STAB1: variants seen among roughly 807,000 people sequenced by gnomAD.
STAB1 encodes stabilin 1.
A neutral mutation model predicts 332.4 loss-of-function variants in STAB1; 250 were observed. The ratio of observed to expected loss-of-function variants is 0.75; its 90% CI spans 0.68 to 0.84. The LOEUF (loss-of-function observed/expected upper bound fraction) is 0.84, where lower values mean the gene tolerates loss of function less well. Among genes scored for constraint, STAB1 ranks in the 40% least tolerant of loss-of-function variants. The pLI is 0.00. For synonymous variants in STAB1, 1,475 were observed against 1,390.4 expected (o/e 1.06, Z -1.35); for missense variants, 3,249 against 3,489.7 (o/e 0.93, Z 1.74).
rs1708453821 is a variant in STAB1, at chr3:52,501,662, T to C, written c.240T>C (p.Ser80=). The C allele has an allele frequency of 2.5e-6, 4 of 1,572,370 alleles. No homozygotes were observed. Among genetic ancestry groups the C allele is most frequent in the Middle Eastern group, 1.7e-4 (1 of 6,020 alleles). The change falls in exon 3 of 69, where the codon TCT becomes TCC. Residue 80 remains serine (S), a synonymous_variant. Transcript: ENST00000321725. ...GCTACGAAGTACAGCTGGGGGGCTC[T>C]ATGGTGTCCATGAGCGGCTGCAGAC... is the stretch of plus-strand genomic sequence containing the variant. The part of the protein sequence containing the change: ...DCRYEVQLGG[S]MVSMSGCRRK...
chr3:52,524,061 C>T (rs1195606678), intron 67 of STAB1, 39 bp from the exon 68 acceptor site: 2 of 1,612,714 alleles, frequency 1.2e-6, no homozygotes, highest in South Asian at 1.1e-5. Flanking sequence ...TTGGATCTCG[C>T]TTGAGGCGCC....
Position 52,505,719 on chromosome 3 carries a change from G to A in STAB1, c.1633G>A (p.Ala545Thr). The change falls in exon 15 of 69, where the codon GCC becomes ACC. Residue 545 changes from alanine to threonine, a missense_variant. By Grantham distance (58) the Ala-to-Thr change is moderately conservative (BLOSUM62 0). Transcript: ENST00000321725. ...LDGPGPFTVF[A>T]PSNEAVDSLR... ...CGGACCTGGGCCCTTCACAGTCTTT[G>A]CCCCAAGCAATGAGGCTGTGGACAG... is the stretch of plus-strand genomic sequence containing the variant. The A allele has an allele frequency of 6.2e-7, 1 of 1,613,876 alleles. No individual in the cohort carries two copies. The highest frequency in any genetic ancestry group is 8.5e-7 in the Non-Finnish European group (1 of 1,180,026).
intron 1 of STAB1, among the ~76,000 whole-genome samples, chr3:52,499,771 C>T (rs959910063): frequency 1.3e-5 from 2 of 150,244 alleles, no homozygotes; most frequent in Non-Finnish European, 1.5e-5. Flanking sequence ...TAGTGGCGGG[C>T]GCCTGTAGTC....
Position 52,524,456 on chromosome 3 carries a change from C to A in STAB1, c.*100C>A, listed in dbSNP as rs1559732394. 1.2e-6 allele frequency: 2 copies of A among 1,612,670 alleles called. No individual in the cohort carries two copies. The highest frequency in any genetic ancestry group is 1.6e-4 in the Middle Eastern group (1 of 6,062). On this transcript the variant is annotated 3_prime_UTR_variant, in exon 69 of 69. Transcript: ENST00000321725. ...GGAGGGGCTGAGGGCCTGTCCCAGA[C>A]AATAAAGGTGCCCTCAGCGGATGTG...
Position 52,523,991 on chromosome 3 carries a change from A to AC in STAB1, c.7516_7517insC (p.Met2506ThrfsTer13). 2.5e-6 allele frequency: 4 copies of AC among 1,612,174 alleles called. No individual in the cohort carries two copies. The highest frequency in any genetic ancestry group is 3.4e-6 in the Non-Finnish European group (4 of 1,179,874). On this transcript the variant is annotated frameshift_variant, in exon 67 of 69. Coordinates refer to ENST00000321725, the MANE Select transcript of STAB1 (RefSeq NM_015136.3). LOFTEE classifies it high-confidence loss of function. ...CTACCTCCGTGCCCGAGGCAAGCCC[A>AC]TGGGCTTTGGCTTCTCTGCCTTCCA...
chr3:52,512,766 G>C, intron 28 of STAB1, 62 bp from the exon 29 acceptor site: 2 of 1,606,342 alleles, frequency 1.2e-6, no homozygotes, highest in Non-Finnish European at 1.7e-6. Context: ...CTAGAGCAGG[G>C]GATCTGAAGA....
rs2079084142 is a variant in STAB1 at position 52,521,908 on chromosome 3, T to A, written c.6228T>A (p.Cys2076Ter). Reference sequence around the variant, plus strand: ...CTGTGTGCCGTGCAGGCAACAGCTGTGAGTGCAGCCTGGGCTATGAAGGGG... The same window carrying A: ...CTGTGTGCCGTGCAGGCAACAGCTGAGAGTGCAGCCTGGGCTATGAAGGGG... ...PEAVCRAGNS[C>*]ECSLGYEGDG... The change falls in exon 58 of 69, where the codon TGT (cysteine) becomes TGA (stop). Residue 2076 changes from cysteine (C) to a stop codon, truncating the protein, a stop_gained. Coordinates refer to ENST00000321725, the MANE Select transcript of STAB1 (RefSeq NM_015136.3). LOFTEE classifies it high-confidence loss of function. The A allele has an allele frequency of 1.9e-6, 3 of 1,609,268 alleles. No homozygotes were observed. The highest frequency in any genetic ancestry group is 1.7e-6 in the Non-Finnish European group (2 of 1,177,026).
At chr3:52,511,775 G>A in intron 26 of STAB1, 30 bp downstream of exon 26, 3 of 1,530,042 alleles carry the variant, frequency 2.0e-6, no homozygotes, top group Non-Finnish European at 2.7e-6. Context: ...AGAGCCCTGG[G>A]GAAGCTTTCT....
At chr3:52,519,783 T>A in intron 50 of STAB1, 161 bp from the exon 51 acceptor site, 1 of 1,148,586 alleles carries the variant, frequency 8.7e-7, no homozygotes, top group Non-Finnish European at 1.2e-6. Flanking sequence ...GACAGCAGTG[T>A]GCACAGTTGA....
At position 52,519,307 on chromosome 3, in the gene STAB1, A is replaced by G. The variant is rs577347908; in HGVS notation, c.5078A>G (p.Asp1693Gly). 1.2e-6 allele frequency: 2 copies of G among 1,613,034 alleles called. No homozygotes were observed. Among genetic ancestry groups the G allele is most frequent in the South Asian group, 2.2e-5 (2 of 91,088 alleles). ...GACTTCGCGCGCGTGGTGAGCAGCG[A>G]CCATGAGGCCGTGAACGGCATCCTG... ...LNDFARVVSS[D>G]HEAVNGILHF... Residue 1693 changes from aspartate to glycine, a missense_variant, in exon 49 of 69, where the codon GAC becomes GGC. Transcript: ENST00000321725.
chr3:52,509,376 A>G (rs1416419156), intron 22 of STAB1, 55 bp downstream of exon 22: 4 of 1,523,704 alleles, frequency 2.6e-6, no homozygotes, highest in African/African-American at 1.4e-5. Flanking sequence ...CTGCCTAAAG[A>G]TGGGTCTGGG....
In STAB1 at chr3:52,514,166, G is replaced by T. The variant is rs766550342; in HGVS notation, c.3499G>T (p.Val1167Leu). ...IEAATAYTIFVPTNRSLEAQG... is the reference protein window; with the variant it reads ...IEAATAYTIFLPTNRSLEAQG... ...GGCTGCCACTGCCTACACCATCTTTGTGCCCACCAACCGCTCCCTGGAGGC... is the reference window on the plus strand; with the variant it reads ...GGCTGCCACTGCCTACACCATCTTTTTGCCCACCAACCGCTCCCTGGAGGC... Residue 1167 changes from valine to leucine, a missense_variant, in exon 33 of 69, where the codon GTG becomes TTG. Val to Leu is a conservative substitution (Grantham distance 32). Transcript: ENST00000321725. 1.2e-6 allele frequency: 2 copies of T among 1,613,390 alleles called. No homozygotes were observed. The highest frequency in any genetic ancestry group is 1.7e-4 in the Middle Eastern group (1 of 6,060).
Position 52,521,976 on chromosome 3 carries a change from A to G in STAB1, c.6271+25A>G, listed in dbSNP as rs1328206392. The G allele has an allele frequency of 1.9e-6, 3 of 1,606,482 alleles. No individual in the cohort carries two copies. The East Asian group carries it at 6.7e-5, about 36-fold the overall frequency. On this transcript the variant is annotated intron_variant, in intron 58 of 68. Coordinates refer to ENST00000321725, the MANE Select transcript of STAB1 (RefSeq NM_015136.3). ...GGTAAGCAGATGGGCGGGGACATGG[A>G]GGTGGGAGGCCCCCACTCCCCTGCA...
At chr3:52,499,150 C>T (rs1708251709) in intron 1 of STAB1, among the ~76,000 whole-genome samples, 1 of 152,266 alleles carries the variant, frequency 6.6e-6, no homozygotes. Context: ...AGAACATCTC[C>T]ACTTCTCTGG....
intron 42 of STAB1, 91 bp from the exon 43 acceptor site, chr3:52,517,225 TGAGA>T: frequency 7.0e-7 from 1 of 1,438,278 alleles, no homozygotes; most frequent in South Asian, 1.4e-5. Flanking sequence ...CTGGGGGCGC[TGAGA>T]GAGGAGGGGG....
chr3:52,522,899 A>C lies in STAB1; in HGVS notation c.6869A>C (p.Asn2290Thr). ...VGIVSLGARK[N>T]LSERWDAYCF... ...ATAGTCAGCCTGGGTGCCCGCAAGA[A>C]CCTCTCAGAACGCTGGGATGCCTAC... Residue 2290 changes from asparagine (N) to threonine (T), a missense_variant, in exon 62 of 69, where the codon AAC becomes ACC. Physicochemically the swap from Asn to Thr is moderately conservative, Grantham distance 65. Transcript: ENST00000321725. 1 of 1,613,214 alleles carries C rather than the reference A, an allele frequency of 6.2e-7. No individual in the cohort carries two copies.
Position 52,504,096 on chromosome 3 carries a change from A to G in STAB1, c.1091A>G (p.Gln364Arg). 1.3e-6 allele frequency: 2 copies of G among 1,589,786 alleles called. No individual in the cohort carries two copies. The highest frequency in any genetic ancestry group is 1.7e-6 in the Non-Finnish European group (2 of 1,168,502). ...ACYGHLLHEV[Q>R]KATQTGRVFL... ...TACGGACACCTGCTCCACGAGGTGC[A>G]GAAGGCCACGCAGACAGGCCGGGTG... The change falls in exon 10 of 69, where the codon CAG (glutamine) becomes CGG (arginine). Residue 364 changes from glutamine (Q) to arginine (R), a missense_variant. Transcript: ENST00000321725.
Position 52,514,437 on chromosome 3 carries a change from C to T in STAB1, c.3619C>T (p.His1207Tyr). 1.3e-6 allele frequency: 2 copies of T among 1,556,226 alleles called. No individual in the cohort carries two copies. The highest frequency in any genetic ancestry group is 1.2e-5 in the South Asian group (1 of 81,462). The change falls in exon 34 of 69, where the codon CAC (histidine) becomes TAC (tyrosine). Residue 1207 changes from histidine to tyrosine, a missense_variant. Physicochemically the swap from His to Tyr is moderately conservative, Grantham distance 83 (BLOSUM62 2). Coordinates refer to ENST00000321725, the MANE Select transcript of STAB1 (RefSeq NM_015136.3). ...CATGGAAACCCTGCGGAAGGGTGGACACCGCAACTCCCTCCTGGGCCCTGC... is the reference window on the plus strand; with the variant it reads ...CATGGAAACCCTGCGGAAGGGTGGATACCGCAACTCCCTCCTGGGCCCTGC... ...LSMETLRKGG[H>Y]RNSLLGPAHW...
chr3:52,512,581 TTTCCC>T lies in STAB1; in HGVS notation c.2980-7_2980-3del. The T allele has an allele frequency of 1.9e-6, 3 of 1,613,882 alleles. No individual in the cohort carries two copies. Among genetic ancestry groups the T allele is most frequent in the Non-Finnish European group, 2.5e-6 (3 of 1,179,996 alleles). ...GCCCCTGGTCCTGTGACCTCAGACTTTTCCCTTCCCTTAGGAGCTGGAGGCAAATG... is the reference window on the plus strand; with the variant it reads ...GCCCCTGGTCCTGTGACCTCAGACTTTTCCCTTAGGAGCTGGAGGCAAATG... On this transcript the variant is annotated splice_polypyrimidine_tract_variant and intron_variant, in intron 27 of 68. Transcript: ENST00000321725.
Sources: allele counts gnomAD v4.1 joint callset (sites outside exome capture counted in the v4.1 genomes callset), GRCh38; gene constraint gnomAD v4.1.1; transcripts MANE v1.5; gene names NCBI Gene and HGNC (gene_info 2026-07-23, HGNC 2026-07-21).